Variants in LMBRD1 observed in about 807,000 individuals in gnomAD.
The protein encoded by LMBRD1 is lysosomal cobalamin transport escort protein LMBD1.
In LMBRD1, 64 loss-of-function variants were observed where a neutral mutation model predicts 74.8. That is an observed-to-expected ratio of 0.86 (90% CI 0.70 to 1.05). The LOEUF (loss-of-function observed/expected upper bound fraction) is 1.05. Among genes scored for constraint, LMBRD1 ranks in the 50% least tolerant of loss-of-function variants. The probability of loss-of-function intolerance (pLI) is 0.00; values close to 1 mark genes in which losing one functional copy is unlikely to be tolerated. For missense variants in LMBRD1, 652 were observed against 645.9 expected (o/e 1.01, Z -0.10); for synonymous variants, 204 against 216.3 (o/e 0.94, Z 0.50).
Position 69,676,059 on chromosome 6 carries a change from G to T in LMBRD1, c.*99C>A. The T allele has an allele frequency of 1.1e-6, 1 of 901,346 alleles. No homozygotes were observed. Among genetic ancestry groups the T allele is most frequent in the Non-Finnish European group, 1.8e-6 (1 of 553,788 alleles). The allele number at this position is 901,346 out of a possible 1,614,324, so 55.8% of individuals were successfully genotyped here. ...GTCTTATAGCCATGCTCCCATTTTTGATGAAAGCTAGTTAGCAAATCCTAA... is the reference window on the plus strand; with the variant it reads ...GTCTTATAGCCATGCTCCCATTTTTTATGAAAGCTAGTTAGCAAATCCTAA... On this transcript the variant is annotated 3_prime_UTR_variant, in exon 16 of 16. Coordinates refer to ENST00000649934, the MANE Select transcript of LMBRD1 (RefSeq NM_018368.4).
intron 4 of LMBRD1, 76 bp downstream of exon 4, chr6:69,752,179 TTCAG>T (rs1562112588): frequency 4.2e-6 from 6 of 1,425,928 alleles, no homozygotes; most frequent in African/African-American, 1.4e-5. Flanking sequence ...CTAGAAAAAA[TTCAG>T]TCATTCATTC....
intron 3 of LMBRD1, among the ~76,000 whole-genome samples, chr6:69,772,363 A>AT (rs1350756242): frequency 6.6e-6 from 1 of 152,236 alleles, no homozygotes; most frequent in African/African-American, 2.4e-5. Flanking sequence ...AACCAAGAAC[A>AT]TAAGAAGAAA....
chr6:69,752,119 CTTTTTA>C lies in LMBRD1; in HGVS notation c.405+134_405+139del, dbSNP rs1765170844. ...ATAATTAAATTAATTTCAACTGTTT[CTTTTTA>C]TTTTAATTTAGCTAACATTGTATTT... On this transcript the variant is annotated intron_variant, in intron 4 of 15. Coordinates refer to ENST00000649934, the MANE Select transcript of LMBRD1 (RefSeq NM_018368.4). 40 of 750,330 alleles carry C rather than the reference CTTTTTA, an allele frequency of 5.3e-5. No individual in the cohort carries two copies. The South Asian group carries it at 6.2e-4, about 12-fold the overall frequency. The allele number at this position is 750,330 out of a possible 1,614,324, so 46.5% of individuals were successfully genotyped here. A position where few individuals can be genotyped will look rare whatever the true frequency, so the allele number is the denominator to read the frequency against.
Position 69,676,207 on chromosome 6 carries a change from T to C in LMBRD1, c.1574A>G (p.Asp525Gly). Residue 525 changes from aspartate (D) to glycine (G), a missense_variant, in exon 16 of 16, where the codon GAT becomes GGT. Coordinates refer to ENST00000649934, the MANE Select transcript of LMBRD1 (RefSeq NM_018368.4). The part of the protein sequence containing the change: ...KGKKSVIEGV[D>G]EDSDISDDEP... ...ATCATCACTTATGTCTGAATCTTCATCTACTCCTTCAATAACCGATTTCTT... is the reference window on the plus strand; with the variant it reads ...ATCATCACTTATGTCTGAATCTTCACCTACTCCTTCAATAACCGATTTCTT... The C allele has an allele frequency of 6.2e-7, 1 of 1,613,488 alleles. No individual in the cohort carries two copies. Among genetic ancestry groups the C allele is most frequent in the African/African-American group, 1.3e-5 (1 of 75,034 alleles).
intron 3 of LMBRD1, among the ~76,000 whole-genome samples, chr6:69,776,133 A>G (rs1582151502): frequency 6.6e-6 from 1 of 152,240 alleles, no homozygotes; most frequent in African/African-American, 2.4e-5. Flanking sequence ...ATATTTTCCA[A>G]ATGAATAAGG....
chr6:69,755,477 T>C (rs1161979358), intron 3 of LMBRD1, among the ~76,000 whole-genome samples: 1 of 151,518 alleles, frequency 6.6e-6, no homozygotes, highest in Admixed American at 6.6e-5. Flanking sequence ...AAATACCTAA[T>C]GCATGCAGGT....
intron 3 of LMBRD1, among the ~76,000 whole-genome samples, chr6:69,756,261 G>A (rs1765264735): frequency 6.6e-6 from 1 of 151,842 alleles, no homozygotes; most frequent in South Asian, 2.1e-4. Flanking sequence ...TACTCAGGAG[G>A]CTGAGGCAGG....
intron 5 of LMBRD1, among the ~76,000 whole-genome samples, chr6:69,747,875 C>T (rs1765026996): frequency 6.6e-6 from 1 of 152,158 alleles, no homozygotes; most frequent in Non-Finnish European, 1.5e-5. Context: ...TCTGAATATG[C>T]CACCTTCAAA....
At chr6:69,737,604 AT>A (rs1582105558) in intron 7 of LMBRD1, among the ~76,000 whole-genome samples, 2 of 150,124 alleles carry the variant, frequency 1.3e-5, no homozygotes, top group East Asian at 3.9e-4. Flanking sequence ...TTATAAATCT[AT>A]TAATATGCTT....
At chr6:69,756,304 A>T (rs1765265311) in intron 3 of LMBRD1, among the ~76,000 whole-genome samples, 1 of 150,686 alleles carries the variant, frequency 6.6e-6, no homozygotes, top group Non-Finnish European at 1.5e-5. Flanking sequence ...CGGAGGTTGC[A>T]GTAAGCCCAA....
rs973049749 is a variant in LMBRD1, at chr6:69,674,468, C to T, written c.*1690G>A. On this transcript the variant is annotated 3_prime_UTR_variant, in exon 16 of 16. Coordinates refer to ENST00000649934, the MANE Select transcript of LMBRD1 (RefSeq NM_018368.4). ...AAGAGATATGGAGATCTACCTGATT[C>T]TTTGTTTAGGCAATCAAGTGTCTGC... Among the ~76,000 whole-genome samples, 3 of 152,132 alleles carry T rather than the reference C, an allele frequency of 2.0e-5. No homozygotes were observed. The highest frequency in any genetic ancestry group is 6.6e-5 in the Admixed American group (1 of 15,266).
chr6:69,763,085 A>G (rs776206218), intron 3 of LMBRD1, among the ~76,000 whole-genome samples: 2 of 152,090 alleles, frequency 1.3e-5, no homozygotes, highest in Non-Finnish European at 2.9e-5. Context: ...GTTATAAAAT[A>G]GCAAAGAACT....
chr6:69,740,844 C>T (rs181875615), intron 6 of LMBRD1, among the ~76,000 whole-genome samples: 1 of 152,224 alleles, frequency 6.6e-6, no homozygotes, highest in Admixed American at 6.5e-5. Context: ...ATATGATACA[C>T]AATATTTTAA....
In LMBRD1 at chr6:69,697,586, C is replaced by G. The variant is rs758640904; in HGVS notation, c.1394G>C (p.Arg465Thr). 2 of 1,607,424 alleles carry G rather than the reference C, an allele frequency of 1.2e-6. No homozygotes were observed. The highest frequency in any genetic ancestry group is 4.5e-5 in the East Asian group (2 of 44,724). ...KGNSTLSVPK[R>T]CDADAPEDQC... ...ACCTTCAGGAGCATCTGCATCACAT[C>G]TCTTTGGCACAGAAAGGGTTGAATT... The change falls in exon 14 of 16, where the codon AGA becomes ACA. Residue 465 changes from arginine to threonine, a missense_variant. Around this residue, in one of 3 missense-constraint regions of LMBRD1, gnomAD observed 598 missense variants for 581.8 expected, o/e 1.03. Transcript: ENST00000649934.
At chr6:69,765,318 A>T (rs995299498) in intron 3 of LMBRD1, among the ~76,000 whole-genome samples, 1 of 152,212 alleles carries the variant, frequency 6.6e-6, no homozygotes, top group Non-Finnish European at 1.5e-5. Context: ...GCTCAAAAAA[A>T]ATCATTTTTT....
chr6:69,701,892 G>T lies in LMBRD1; in HGVS notation c.977C>A (p.Ser326Ter). The T allele has an allele frequency of 6.3e-7, 1 of 1,589,222 alleles. No individual in the cohort carries two copies. Among genetic ancestry groups the T allele is most frequent in the Non-Finnish European group, 8.6e-7 (1 of 1,158,410 alleles). ...ALLFVISLFLSNLDKALHSAG... is the reference protein window; with the variant it reads ...ALLFVISLFL ...AAAATGTGTCTACTGTACTTACTTTGACAAGAAGAGAGAAATTACAAACAG... is the reference window on the plus strand; with the variant it reads ...AAAATGTGTCTACTGTACTTACTTTTACAAGAAGAGAGAAATTACAAACAG... The change falls in exon 10 of 16, where the codon TCA (serine) becomes TAA (stop). Residue 326 changes from serine (S) to a stop codon, truncating the protein, a stop_gained. Transcript: ENST00000649934. LOFTEE classifies it high-confidence loss of function.
chr6:69,744,009 AC>A (rs1767163951), intron 5 of LMBRD1, among the ~76,000 whole-genome samples: 1 of 152,258 alleles, frequency 6.6e-6, no homozygotes, highest in Admixed American at 6.5e-5. Flanking sequence ...TGAAAAGGCA[AC>A]TGAAGTCCAA....
chr6:69,794,529 G>T (rs893545502), intron 1 of LMBRD1, among the ~76,000 whole-genome samples: 3 of 152,174 alleles, frequency 2.0e-5, no homozygotes, highest in African/African-American at 4.8e-5. Flanking sequence ...TGTCAAACTG[G>T]TTATTCAGAC....
chr6:69,705,681 T>A (rs1766238135), intron 9 of LMBRD1: 1 of 900,352 alleles, frequency 1.1e-6, no homozygotes, highest in Admixed American at 1.7e-5. Flanking sequence ...ATCATCTTCA[T>A]CAGTAGCAAG....
Sources: allele counts gnomAD v4.1 joint callset (sites outside exome capture counted in the v4.1 genomes callset), GRCh38; gene constraint gnomAD v4.1.1; regional missense constraint gnomAD v4.1.1; transcripts MANE v1.5; gene names NCBI Gene and HGNC (gene_info 2026-07-23, HGNC 2026-07-21).